ALCAM: variants seen among roughly 807,000 people sequenced by gnomAD.
The protein encoded by ALCAM is CD166 antigen.
Under a neutral mutation model 70.9 loss-of-function variants are expected in ALCAM, and 30 were observed. That is an observed-to-expected ratio of 0.42 (90% confidence interval 0.32 to 0.57). The LOEUF is 0.57. Among genes scored for constraint, ALCAM ranks in the 20% least tolerant of loss-of-function variants. The pLI, the probability that ALCAM is intolerant of heterozygous loss-of-function variation, is 0.11. For missense variants in ALCAM, 591 were observed against 695.1 expected (o/e 0.85, Z 1.68); for synonymous variants, 249 against 242.5 (o/e 1.03, Z -0.25).
chr3:105,395,403 A>G (rs1430473708), intron 1 of ALCAM, among the ~76,000 whole-genome samples: 1 of 151,966 alleles, frequency 6.6e-6, no homozygotes. Context: ...ACAGCAACAA[A>G]TGAGCTCTTA....
intron 14 of ALCAM, among the ~76,000 whole-genome samples, chr3:105,559,456 A>G (rs1940588365): frequency 6.6e-6 from 1 of 151,858 alleles, no homozygotes; most frequent in African/African-American, 2.4e-5. Context: ...TCTGGTAAGG[A>G]CCCACTTTCT....
At chr3:105,501,907 C>A (rs1282290025) in intron 1 of ALCAM, among the ~76,000 whole-genome samples, 1 of 152,158 alleles carries the variant, frequency 6.6e-6, no homozygotes, top group African/African-American at 2.4e-5. Context: ...GGCAACCAAT[C>A]TAAAGCAAAC....
chr3:105,406,238 T>G (rs1371785193), intron 1 of ALCAM, among the ~76,000 whole-genome samples: 1 of 152,166 alleles, frequency 6.6e-6, no homozygotes, highest in Non-Finnish European at 1.5e-5. Context: ...CATGGAGGTT[T>G]GAGGAGTTCT....
intron 1 of ALCAM, among the ~76,000 whole-genome samples, chr3:105,391,111 G>A (rs1935806632): frequency 6.6e-6 from 1 of 151,830 alleles, no homozygotes; most frequent in East Asian, 1.9e-4. Context: ...GTTTAAAGTA[G>A]TTTTTTTCTA....
chr3:105,459,409 G>A (rs1937574573), intron 1 of ALCAM, among the ~76,000 whole-genome samples: 1 of 151,864 alleles, frequency 6.6e-6, no homozygotes, highest in Admixed American at 6.6e-5. Flanking sequence ...TAATAGATTG[G>A]GAAGACAGGG....
chr3:105,459,036 G>A (rs182387612), intron 1 of ALCAM, among the ~76,000 whole-genome samples: 1 of 152,234 alleles, frequency 6.6e-6, no homozygotes, highest in Admixed American at 6.5e-5. Flanking sequence ...CATGCATTGT[G>A]TTGGATGCTT....
chr3:105,387,929 CT>C (rs1207038709), intron 1 of ALCAM, among the ~76,000 whole-genome samples: 1 of 151,498 alleles, frequency 6.6e-6, no homozygotes, highest in Non-Finnish European at 1.5e-5. Flanking sequence ...TGCATTATCT[CT>C]TTTTTTAATA....
At chr3:105,427,530 T>A (rs992823556) in intron 1 of ALCAM, among the ~76,000 whole-genome samples, 4 of 151,752 alleles carry the variant, frequency 2.6e-5, no homozygotes, top group Non-Finnish European at 5.9e-5. Flanking sequence ...GAGAGAGGAA[T>A]CTGAAGACAG....
chr3:105,500,958 G>C (rs1327076650), intron 1 of ALCAM, among the ~76,000 whole-genome samples: 1 of 152,160 alleles, frequency 6.6e-6, no homozygotes, highest in Non-Finnish European at 1.5e-5. Flanking sequence ...TGATGTCCAT[G>C]AACCAAACTT....
intron 1 of ALCAM, among the ~76,000 whole-genome samples, chr3:105,456,624 T>C (rs1214594424): frequency 2.0e-5 from 3 of 152,166 alleles, no homozygotes; most frequent in Non-Finnish European, 2.9e-5. Context: ...CCCAAACTCA[T>C]TCAAGTACAG....
intron 6 of ALCAM, among the ~76,000 whole-genome samples, chr3:105,537,010 T>C (rs186335448): frequency 1.2e-4 from 19 of 152,026 alleles, no homozygotes; most frequent in African/African-American, 3.4e-4. Context: ...GGACTACGAG[T>C]GGAGAACCAC....
chr3:105,531,545 G>A (rs1939840120), intron 3 of ALCAM, among the ~76,000 whole-genome samples: 2 of 151,492 alleles, frequency 1.3e-5, no homozygotes, highest in Non-Finnish European at 2.9e-5. Context: ...CAGGAATTCT[G>A]ATTCAGTAGG....
intron 1 of ALCAM, among the ~76,000 whole-genome samples, chr3:105,504,695 G>C (rs1339820257): frequency 1.3e-5 from 2 of 152,086 alleles, no homozygotes; most frequent in Non-Finnish European, 2.9e-5. Context: ...GTGTGTCTCT[G>C]CCTGCTAGGG....
intron 1 of ALCAM, among the ~76,000 whole-genome samples, chr3:105,498,045 AG>A (rs371999837): frequency 0.012 from 1,808 of 148,374 alleles, 20 homozygotes; most frequent in African/African-American, 0.016. Context: ...AAAAAAAAAA[AG>A]GGGGGAAATT....
chr3:105,520,364 A>C (rs939577234), intron 2 of ALCAM, among the ~76,000 whole-genome samples, 197 bp downstream of exon 2: 1 of 152,252 alleles, frequency 6.6e-6, no homozygotes, highest in Non-Finnish European at 1.5e-5. Context: ...TTTAAAATAA[A>C]GCCAATAAAC....
At chr3:105,388,123 A>G (rs928466552) in intron 1 of ALCAM, among the ~76,000 whole-genome samples, 1 of 151,586 alleles carries the variant, frequency 6.6e-6, no homozygotes, top group African/African-American at 2.4e-5. Context: ...AGGAAGTACA[A>G]CCTCTCCTCT....
chr3:105,553,945 G>T (rs1940465301), intron 14 of ALCAM, among the ~76,000 whole-genome samples: 1 of 151,798 alleles, frequency 6.6e-6, no homozygotes, highest in Non-Finnish European at 1.5e-5. Flanking sequence ...TTCTCCTGTT[G>T]TGTGTTGTCA....
chr3:105,376,197 A>C (rs144393937), intron 1 of ALCAM, among the ~76,000 whole-genome samples: 85 of 152,236 alleles, frequency 5.6e-4, no homozygotes, highest in African/African-American at 1.8e-3. Context: ...ATGGTAAAAG[A>C]AGGGTTGTTG....
At chr3:105,532,133 A>G (rs1939855187) in intron 4 of ALCAM, 67 bp downstream of exon 4, 1 of 1,303,616 alleles carries the variant, frequency 7.7e-7, no homozygotes, top group Non-Finnish European at 1.1e-6. Context: ...CTGACCTTAC[A>G]TTCCAAGACA....
Sources: allele counts gnomAD v4.1 joint callset (sites outside exome capture counted in the v4.1 genomes callset), GRCh38; gene constraint gnomAD v4.1.1; transcripts MANE v1.5; gene names NCBI Gene and HGNC (gene_info 2026-07-23, HGNC 2026-07-21).